LRGUK: variants seen among roughly 807,000 people sequenced by gnomAD.
LRGUK encodes the protein leucine rich repeats and guanylate kinase domain containing.
LRGUK carries 65 observed loss-of-function variants against 76.0 expected under a neutral mutation model. The ratio of observed to expected loss-of-function variants is 0.85; its 90% confidence interval spans 0.70 to 1.05. LRGUK has a LOEUF of 1.05. Among genes scored for constraint, LRGUK ranks in the 50% least tolerant of loss-of-function variants. LRGUK has a pLI of 0.00. For missense variants in LRGUK, 758 were observed against 732.8 expected (o/e 1.03, Z -0.40); for synonymous variants, 268 against 265.6 (o/e 1.01, Z -0.09).
intron 2 of LRGUK, among the ~76,000 whole-genome samples, chr7:134,139,183 G>T (rs1209361143): frequency 1.3e-5 from 2 of 151,986 alleles, no homozygotes; most frequent in Non-Finnish European, 2.9e-5. Flanking sequence ...CTTTAAATTG[G>T]CCTTTCATGT....
chr7:134,177,838 T>C lies in LRGUK; in HGVS notation c.1108-665T>C, dbSNP rs374660354. ...TCAAAGGTACTTATTAGATTCCTCT[T>C]TTCCTTTAACATTTTGCAAAAGGAA... On this transcript the variant is annotated intron_variant, in intron 9 of 15. Coordinates refer to ENST00000645682, the Ensembl canonical transcript of LRGUK. 7.9e-4 allele frequency among the ~76,000 whole-genome samples: 121 copies of C among 152,352 alleles called. 1 individual carries two copies. The highest frequency in any genetic ancestry group is 2.8e-3 in the African/African-American group (117 of 41,586).
rs547571592 is a variant in LRGUK at position 134,157,672 on chromosome 7, A to G, written c.671-363A>G. On this transcript the variant is annotated intron_variant, in intron 5 of 15. Coordinates refer to ENST00000645682, the Ensembl canonical transcript of LRGUK. ...CGAGTAGCTGGGACTACAGGCACCC[A>G]CCACCACGCCCGGCTAATTTTTTTG... Among the ~76,000 whole-genome samples the G allele has an allele frequency of 2.2e-3, 331 of 152,138 alleles. 1 individual carries two copies. The highest frequency in any genetic ancestry group is 2.8e-3 in the Non-Finnish European group (188 of 68,000).
intron 15 of LRGUK, among the ~76,000 whole-genome samples, chr7:134,204,743 T>G (rs572620093): frequency 4.6e-5 from 7 of 152,162 alleles, no homozygotes; most frequent in Non-Finnish European, 7.3e-5. Flanking sequence ...TAACACACAT[T>G]TAATGGTGTC....
At chr7:134,237,024 T>TCAGCAGG (rs1802031255) in intron 16 of LRGUK, among the ~76,000 whole-genome samples, 1 of 151,566 alleles carries the variant, frequency 6.6e-6, no homozygotes, top group African/African-American at 2.4e-5. Context: ...TCTTACAGGA[T>TCAGCAGG]CAGCAGGCTA....
At chr7:134,201,601 A>C in intron 15 of LRGUK, 25 bp downstream of exon 15, 1 of 1,560,816 alleles carries the variant, frequency 6.4e-7, no homozygotes, top group Admixed American at 1.8e-5. Flanking sequence ...TTTTTGTGCC[A>C]GGATTTTTTT....
intron 18 of LRGUK, among the ~76,000 whole-genome samples, chr7:134,249,508 T>C (rs1802393293): frequency 6.6e-6 from 1 of 152,176 alleles, no homozygotes; most frequent in Non-Finnish European, 1.5e-5. Context: ...GGTTCTCTAG[T>C]TTCCATTAAT....
chr7:134,262,596 C>T (rs1042320679), intron 19 of LRGUK, among the ~76,000 whole-genome samples: 3 of 152,094 alleles, frequency 2.0e-5, no homozygotes, highest in African/African-American at 7.2e-5. Context: ...ACTCCTCTAC[C>T]GTCTGCTTTC....
chr7:134,270,110 T>C, the LRGUK span, among the ~76,000 whole-genome samples: 2 of 152,128 alleles, frequency 1.3e-5, no homozygotes, highest in Non-Finnish European at 2.9e-5. Context: ...CAGGAAAATG[T>C]AATAAAAAGA....
rs796367331 is a variant in LRGUK at position 134,222,615 on chromosome 7, G to T, written c.1983+697G>T. On this transcript the variant is annotated intron_variant, in intron 16 of 19. Coordinates refer to the LRGUK transcript ENST00000285928. ...GTTTGTTTTGTTTTGTTTTTGTTTTGTTTTTTTTTTTGAGACGGAGTTTTG... is the reference window on the plus strand; with the variant it reads ...GTTTGTTTTGTTTTGTTTTTGTTTTTTTTTTTTTTTTGAGACGGAGTTTTG... 1.0e-2 allele frequency among the ~76,000 whole-genome samples: 1,448 copies of T among 144,830 alleles called. 29 individuals carry two copies. The highest frequency in any genetic ancestry group is 0.035 in the African/African-American group (1,399 of 39,662).
In LRGUK at chr7:134,178,189, G is replaced by T. The variant is rs933660521; in HGVS notation, c.1108-314G>T. On this transcript the variant is annotated intron_variant, in intron 9 of 15. Coordinates refer to ENST00000645682, the Ensembl canonical transcript of LRGUK. ...CAAAGTAATCATGGGCTTTAGAGGG[G>T]CTGTGGGTTTTTGTTTGGTGGTTTT... Among the ~76,000 whole-genome samples, 5 of 152,064 alleles carry T rather than the reference G, an allele frequency of 3.3e-5. No individual in the cohort carries two copies. The East Asian group carries it at 9.6e-4, about 29-fold the overall frequency.
At chr7:134,156,541 A>G (rs1798467121) in intron 5 of LRGUK, among the ~76,000 whole-genome samples, 1 of 152,224 alleles carries the variant, frequency 6.6e-6, no homozygotes, top group Admixed American at 6.5e-5. Context: ...AAGGAGCAAG[A>G]AAAAGAAAGT....
intron 16 of LRGUK, among the ~76,000 whole-genome samples, chr7:134,238,758 A>G (rs1401553347): frequency 1.3e-5 from 2 of 151,970 alleles, no homozygotes; most frequent in Non-Finnish European, 2.9e-5. Flanking sequence ...TTTCTCTCAC[A>G]ATAACTTTGG....
chr7:134,272,705 A>G, the LRGUK span, among the ~76,000 whole-genome samples: 2 of 152,218 alleles, frequency 1.3e-5, no homozygotes, highest in African/African-American at 4.8e-5. Flanking sequence ...TAAGAAATGA[A>G]AATTACTTTG....
intron 4 of LRGUK, among the ~76,000 whole-genome samples, chr7:134,145,199 G>A (rs1012089028): frequency 6.6e-6 from 1 of 152,108 alleles, no homozygotes; most frequent in Admixed American, 6.5e-5. Context: ...GCTCTGTGTA[G>A]ACCTGGGAAG....
At chr7:134,198,434 CTG>C (rs1157444577) in intron 13 of LRGUK, among the ~76,000 whole-genome samples, 2 of 152,160 alleles carry the variant, frequency 1.3e-5, no homozygotes, top group African/African-American at 4.8e-5. Flanking sequence ...CCAGACTGCC[CTG>C]GTCATTGACT....
At chr7:134,127,926 G>C (rs1475047384) in intron 1 of LRGUK, among the ~76,000 whole-genome samples, 1 of 151,740 alleles carries the variant, frequency 6.6e-6, no homozygotes, top group Non-Finnish European at 1.5e-5. Flanking sequence ...TTAACACAGC[G>C]TCACTTTGTA....
At chr7:134,208,146 G>C (rs1801084330) in intron 15 of LRGUK, among the ~76,000 whole-genome samples, 1 of 152,124 alleles carries the variant, frequency 6.6e-6, no homozygotes, top group Non-Finnish European at 1.5e-5. Flanking sequence ...TTGTGATTCT[G>C]TCCGGCCGAT....
intron 7 of LRGUK, among the ~76,000 whole-genome samples, chr7:134,173,109 T>TC (rs1365602937): frequency 2.7e-5 from 4 of 147,372 alleles, no homozygotes; most frequent in Admixed American, 1.5e-4. Context: ...AAACAATTGA[T>TC]CCCTTTTAAA....
intron 4 of LRGUK, 26 bp downstream of exon 4, chr7:134,143,188 C>A (rs754804758): frequency 2.4e-5 from 31 of 1,313,774 alleles, no homozygotes; most frequent in Non-Finnish European, 3.3e-5. Context: ...ACCTTAATTA[C>A]ACATTAAGGG....
Sources: allele counts gnomAD v4.1 joint callset (sites outside exome capture counted in the v4.1 genomes callset), GRCh38; gene constraint gnomAD v4.1.1; transcripts MANE v1.5; gene names NCBI Gene and HGNC (gene_info 2026-07-23, HGNC 2026-07-21).